The following ASTN2 variants were observed in gnomAD, a reference collection of about 807,000 sequenced individuals.
ASTN2 encodes astrotactin-2.
In ASTN2, 54 loss-of-function variants were observed where a neutral mutation model predicts 139.8. The observed-to-expected ratio is 0.39, with a 90% CI of 0.31 to 0.48. The LOEUF (loss-of-function observed/expected upper bound fraction) is 0.48. Ranked by LOEUF, ASTN2 falls within the 20% of genes least tolerant of loss-of-function variation. The pLI is 0.95. For synonymous variants in ASTN2, 756 were observed against 719.5 expected (o/e 1.05, Z -0.81); for missense variants, 1,565 against 1,725.1 (o/e 0.91, Z 1.64).
chr9:117,322,668 GGA>G (rs1828369656), intron 1 of ASTN2, among the ~76,000 whole-genome samples: 1 of 152,140 alleles, frequency 6.6e-6, no homozygotes, highest in Admixed American at 6.5e-5. Context: ...TAGGTCTTGG[GGA>G]GGTGCACCTT....
intron 1 of ASTN2, among the ~76,000 whole-genome samples, chr9:117,309,031 G>T (rs192272441): frequency 1.3e-5 from 2 of 152,196 alleles, no homozygotes; most frequent in Non-Finnish European, 2.9e-5. Context: ...TATTATGCAT[G>T]TTTTCCTGCA....
chr9:116,840,834 G>A (rs560691792), intron 11 of ASTN2, among the ~76,000 whole-genome samples: 2 of 151,388 alleles, frequency 1.3e-5, no homozygotes, highest in South Asian at 4.2e-4. Context: ...GCCGGGAAGA[G>A]GCGCTCCTCA....
chr9:116,793,235 A>C (rs1830603475), intron 13 of ASTN2, among the ~76,000 whole-genome samples: 1 of 152,218 alleles, frequency 6.6e-6, no homozygotes, highest in African/African-American at 2.4e-5. Context: ...TATACATAAA[A>C]TTGTTCACTG....
chr9:117,053,290 T>A (rs983692032), intron 5 of ASTN2, among the ~76,000 whole-genome samples: 2 of 151,932 alleles, frequency 1.3e-5, no homozygotes, highest in African/African-American at 4.8e-5. Flanking sequence ...CATCTCTACA[T>A]AAAACTTAAA....
intron 10 of ASTN2, among the ~76,000 whole-genome samples, chr9:116,893,968 T>A (rs1833825158): frequency 6.6e-6 from 1 of 152,182 alleles, no homozygotes; most frequent in Non-Finnish European, 1.5e-5. Flanking sequence ...ATTAGCACAC[T>A]GACTACCTCG....
At chr9:116,808,934 T>C (rs1327871277) in intron 12 of ASTN2, among the ~76,000 whole-genome samples, 1 of 152,162 alleles carries the variant, frequency 6.6e-6, no homozygotes, top group Non-Finnish European at 1.5e-5. Flanking sequence ...CACTTGCATT[T>C]CTCCTTCTAT....
At chr9:117,125,030 C>A (rs952529262) in intron 4 of ASTN2, among the ~76,000 whole-genome samples, 2 of 152,112 alleles carry the variant, frequency 1.3e-5, no homozygotes, top group East Asian at 3.9e-4. Flanking sequence ...CAAGACATTG[C>A]CATTATGGTA....
At chr9:117,073,118 T>C (rs1304205999) in intron 5 of ASTN2, among the ~76,000 whole-genome samples, 1 of 152,074 alleles carries the variant, frequency 6.6e-6, no homozygotes, top group East Asian at 1.9e-4. Flanking sequence ...AGAGAAAGAC[T>C]GCCGAAATAA....
chr9:116,858,597 T>A lies in ASTN2; in HGVS notation c.2040+4986A>T, dbSNP rs118057055. Among the ~76,000 whole-genome samples, 1,176 of 152,292 alleles carry A rather than the reference T, an allele frequency of 7.7e-3. 6 individuals carry two copies. The highest frequency in any genetic ancestry group is 0.017 in the South Asian group (80 of 4,826). ...GAATAAATGGACCCATAGCTTACAT[T>A]TCAAACTGTGCCTTGCTGACATCAT... On this transcript the variant is annotated intron_variant, in intron 11 of 22. Coordinates refer to ENST00000313400, the MANE Select transcript of ASTN2 (RefSeq NM_001365068.1).
At chr9:116,514,094 A>T (rs572564083) in intron 19 of ASTN2, among the ~76,000 whole-genome samples, 5 of 151,926 alleles carry the variant, frequency 3.3e-5, no homozygotes, top group African/African-American at 1.2e-4. Context: ...TAGAATTTTC[A>T]GCTTTTCTGC....
At chr9:116,454,308 G>C (rs971965007) in intron 20 of ASTN2, among the ~76,000 whole-genome samples, 1 of 151,992 alleles carries the variant, frequency 6.6e-6, no homozygotes, top group Non-Finnish European at 1.5e-5. Flanking sequence ...AGATATCAAA[G>C]TAGAAATAGA....
In ASTN2 at chr9:117,278,197, A is replaced by T. The variant is rs151161175; in HGVS notation, c.630+13129T>A. 4.6e-5 allele frequency among the ~76,000 whole-genome samples: 7 copies of T among 152,334 alleles called. 1 individual carries two copies. Among genetic ancestry groups the T allele is most frequent in the South Asian group, 4.1e-4 (2 of 4,828 alleles). ...TAATGGAAGAATTATTGCTTCTGAA[A>T]TCCACTCCAGTCCTATTGAGGAGAA... On this transcript the variant is annotated intron_variant, in intron 2 of 22. Coordinates refer to ENST00000313400, the MANE Select transcript of ASTN2 (RefSeq NM_001365068.1).
At chr9:116,723,058 C>T (rs10983324) in intron 16 of ASTN2, among the ~76,000 whole-genome samples, 6 of 151,692 alleles carry the variant, frequency 4.0e-5, no homozygotes, top group East Asian at 2.0e-4. Context: ...CCAGCTACTC[C>T]GGGGACTGAG....
chr9:116,660,680 C>T (rs2131956764), intron 16 of ASTN2, among the ~76,000 whole-genome samples: 1 of 152,294 alleles, frequency 6.6e-6, no homozygotes, highest in South Asian at 2.1e-4. Context: ...GATGCTTTAA[C>T]TGTCAAAAAT....
intron 19 of ASTN2, among the ~76,000 whole-genome samples, chr9:116,530,170 C>G (rs1851282926): frequency 8.5e-6 from 1 of 117,326 alleles, no homozygotes; most frequent in Admixed American, 1.0e-4. Flanking sequence ...TATTATTAAT[C>G]CTTAAAAAGA....
chr9:116,606,814 C>G (rs1024963505), intron 19 of ASTN2, among the ~76,000 whole-genome samples: 4 of 151,976 alleles, frequency 2.6e-5, no homozygotes, highest in Admixed American at 1.3e-4. Context: ...TTTCCCATTC[C>G]ACAGAAAAGG....
intron 1 of ASTN2, among the ~76,000 whole-genome samples, chr9:117,380,222 T>C (rs1830230248): frequency 6.6e-6 from 1 of 152,124 alleles, no homozygotes; most frequent in Non-Finnish European, 1.5e-5. Flanking sequence ...AGTGTGGTGG[T>C]CACATAGTAA....
intron 1 of ASTN2, among the ~76,000 whole-genome samples, chr9:117,346,144 G>T (rs558714386): frequency 1.3e-5 from 2 of 152,246 alleles, no homozygotes; most frequent in East Asian, 1.9e-4. Context: ...ATTACAAAGA[G>T]TAAAGATGAG....
At chr9:116,933,313 T>G (rs578030924) in intron 10 of ASTN2, among the ~76,000 whole-genome samples, 42 of 152,268 alleles carry the variant, frequency 2.8e-4, no homozygotes, top group Non-Finnish European at 5.4e-4. Context: ...TAAAATTGGT[T>G]GAGACTGGCT....
Sources: gnomAD v4.1 joint callset for allele counts (sites outside exome capture counted in the v4.1 genomes callset) on GRCh38, gnomAD v4.1.1 for gene constraint, MANE v1.5 for transcripts, NCBI Gene and HGNC (gene_info 2026-07-23, HGNC 2026-07-21) for gene names.